SPTLC3: variants seen among roughly 807,000 people sequenced by gnomAD.
SPTLC3 encodes serine palmitoyltransferase long chain base subunit 3.
In SPTLC3, 36 loss-of-function variants were observed where a neutral mutation model predicts 59.3. That is an observed-to-expected ratio of 0.61 (90% CI 0.47 to 0.80). SPTLC3 has a LOEUF of 0.80. Among genes scored for constraint, SPTLC3 ranks in the 30% least tolerant of loss-of-function variants. SPTLC3 has a pLI of 0.00. For missense variants in SPTLC3, 625 were observed against 685.1 expected, an observed-to-expected ratio of 0.91 and a Z score of 0.98; for synonymous variants, 257 against 240.8, an observed-to-expected ratio of 1.07 and a Z score of -0.62.
chr20:13,095,643 C>T (rs986163257), intron 6 of SPTLC3, among the ~76,000 whole-genome samples: 8 of 152,086 alleles, frequency 5.3e-5, no homozygotes, highest in Admixed American at 1.3e-4. Flanking sequence ...GGGGCCAAAA[C>T]ACCTGCATTT....
At chr20:13,131,243 A>G (rs564841857) in intron 9 of SPTLC3, among the ~76,000 whole-genome samples, 1 of 152,288 alleles carries the variant, frequency 6.6e-6, no homozygotes, top group Middle Eastern at 3.4e-3. Flanking sequence ...TTACCTTACT[A>G]CACCTTCTTT....
At position 13,009,338 on chromosome 20, in the gene SPTLC3, C is replaced by T; in HGVS notation, c.71C>T (p.Ser24Leu). Residue 24 changes from serine (S) to leucine (L), a missense_variant, in exon 1 of 12, where the codon TCA becomes TTA. Transcript: ENST00000399002. ...AATCACAAGAAACAGAGCAATGGCTCACAAAGCAGAAACTGCACAAAGAAT... is the reference window on the plus strand; with the variant it reads ...AATCACAAGAAACAGAGCAATGGCTTACAAAGCAGAAACTGCACAAAGAAT... ...LHNHKKQSNG[S>L]QSRNCTKNGI... The T allele has an allele frequency of 1.9e-6, 3 of 1,614,058 alleles. No homozygotes were observed. Among genetic ancestry groups the T allele is most frequent in the Non-Finnish European group, 2.5e-6 (3 of 1,179,968 alleles).
intron 5 of SPTLC3, among the ~76,000 whole-genome samples, chr20:13,092,511 T>A (rs1298937838): frequency 6.6e-6 from 1 of 152,188 alleles, no homozygotes; most frequent in Non-Finnish European, 1.5e-5. Context: ...AAATTTAAAT[T>A]TGAACTGTCT....
intron 9 of SPTLC3, among the ~76,000 whole-genome samples, chr20:13,133,234 G>A (rs1247096808): frequency 6.6e-6 from 1 of 152,068 alleles, no homozygotes; most frequent in Non-Finnish European, 1.5e-5. Flanking sequence ...ACCCTCACCT[G>A]TTTCCTTTCC....
intron 7 of SPTLC3, among the ~76,000 whole-genome samples, chr20:13,111,625 T>C (rs951974971): frequency 1.3e-5 from 2 of 152,180 alleles, no homozygotes; most frequent in Non-Finnish European, 2.9e-5. Flanking sequence ...CAAGCATGGA[T>C]CTTTTTCCCT....
chr20:13,162,945 G>A (rs1048698481), intron 11 of SPTLC3, among the ~76,000 whole-genome samples: 9 of 152,218 alleles, frequency 5.9e-5, no homozygotes, highest in South Asian at 2.1e-4. Context: ...CTCTGAGCAC[G>A]AGTGTGTTCT....
At chr20:13,035,785 T>C (rs1409833046) in intron 1 of SPTLC3, among the ~76,000 whole-genome samples, 2 of 152,180 alleles carry the variant, frequency 1.3e-5, no homozygotes, top group Non-Finnish European at 2.9e-5. Flanking sequence ...TTATAAAGCA[T>C]TTCTAAACAT....
intron 6 of SPTLC3, among the ~76,000 whole-genome samples, chr20:13,107,964 T>C (rs4375935): frequency 0.64 from 97,025 of 151,896 alleles, 31,613 homozygotes; most frequent in African/African-American, 0.74. Flanking sequence ...TTCTTAAGGA[T>C]GTTAAAGGAA....
rs534375373 is a variant in SPTLC3, at chr20:13,123,295, C to T, written c.1153-3296C>T. Among the ~76,000 whole-genome samples the T allele has an allele frequency of 2.6e-5, 4 of 151,526 alleles. No individual in the cohort carries two copies. The East Asian group carries it at 7.8e-4, about 29-fold the overall frequency. ...GCAGTGAGCCAAGGTCATGCCACTGCACTCCAGCCTGGCCGACAGAGCAAG... is the reference window on the plus strand; with the variant it reads ...GCAGTGAGCCAAGGTCATGCCACTGTACTCCAGCCTGGCCGACAGAGCAAG... On this transcript the variant is annotated intron_variant, in intron 8 of 11. Transcript: ENST00000399002.
At chr20:13,162,226 C>T (rs138291926) in intron 11 of SPTLC3, among the ~76,000 whole-genome samples, 1 of 152,248 alleles carries the variant, frequency 6.6e-6, no homozygotes, top group African/African-American at 2.4e-5. Context: ...GGGGACCTTG[C>T]ACAGAAGGGA....
At chr20:13,093,262 G>A (rs540492468) in intron 5 of SPTLC3, among the ~76,000 whole-genome samples, 25 of 152,168 alleles carry the variant, frequency 1.6e-4, no homozygotes, top group African/African-American at 4.8e-4. Context: ...TGCAAATGTC[G>A]CAGTGAACAT....
chr20:13,164,722 A>G, intron 11 of SPTLC3, 32 bp from the exon 12 acceptor site: 7 of 1,566,180 alleles, frequency 4.5e-6, no homozygotes, highest in Non-Finnish European at 6.1e-6. Context: ...TAGGTGTTCA[A>G]TGATAGCTAT....
At chr20:13,126,481 T>G in intron 8 of SPTLC3, 110 bp from the exon 9 acceptor site, 1,320 of 1,258,106 alleles carry the variant, frequency 1.0e-3, no homozygotes, top group Non-Finnish European at 1.3e-3. Context: ...CTTTTGAGCA[T>G]GAGATCAAAT....
rs563205286 is a variant in SPTLC3, at chr20:13,164,562, T to C, written c.1546-192T>C. The C allele has an allele frequency of 3.5e-4, 209 of 596,320 alleles. 1 individual carries two copies. Among genetic ancestry groups the C allele is most frequent in the Non-Finnish European group, 4.3e-4 (142 of 329,478 alleles). 36.9% of individuals were successfully genotyped at this position (596,320 alleles called of 1,614,324 possible). A position where few individuals can be genotyped will look rare whatever the true frequency, so the allele number is the denominator to read the frequency against. On this transcript the variant is annotated intron_variant, in intron 11 of 11. Transcript: ENST00000399002. ...GAGTTAGACCACTAAATAAAATTAA[T>C]TAGCATCTAACATTCCTCTAGGGTC...
chr20:13,168,795 G>C lies in SPTLC3; in HGVS notation c.*3928G>C, dbSNP rs2039015487. The C allele has an allele frequency of 6.6e-6, 1 of 152,080 alleles. No homozygotes were observed. Among genetic ancestry groups the C allele is most frequent in the African/African-American group, 2.4e-5 (1 of 41,388 alleles). 9.4% of individuals were successfully genotyped at this position (152,080 alleles called of 1,614,324 possible). On this transcript the variant is annotated 3_prime_UTR_variant, in exon 12 of 12. Coordinates refer to ENST00000399002, the MANE Select transcript of SPTLC3 (RefSeq NM_018327.4). ...TGGTGAATTCTTGGCAATGTTTCCT[G>C]GTCTCAAAACAGTAAGAACAATTTG... is the stretch of plus-strand genomic sequence containing the variant.
At chr20:13,031,610 T>G (rs1986454769) in intron 1 of SPTLC3, among the ~76,000 whole-genome samples, 2 of 152,154 alleles carry the variant, frequency 1.3e-5, no homozygotes. Flanking sequence ...TTTGTTCTAT[T>G]TTGCACATGG....
chr20:13,108,384 G>T (rs1432435590), intron 6 of SPTLC3, among the ~76,000 whole-genome samples: 1 of 152,128 alleles, frequency 6.6e-6, no homozygotes, highest in Non-Finnish European at 1.5e-5. Context: ...ACTCAGCTTT[G>T]GGGGAAGCCC....
At chr20:13,151,219 T>C (rs1439056217) in intron 9 of SPTLC3, among the ~76,000 whole-genome samples, 1 of 152,262 alleles carries the variant, frequency 6.6e-6, no homozygotes, top group Admixed American at 6.5e-5. Context: ...TTTCTACTCT[T>C]ACTACCAACT....
chr20:13,150,662 A>G (rs769151183), intron 9 of SPTLC3, among the ~76,000 whole-genome samples: 1 of 152,140 alleles, frequency 6.6e-6, no homozygotes, highest in Non-Finnish European at 1.5e-5. Flanking sequence ...CCTTCCAATC[A>G]TTAAATGTGG....
Sources: allele counts gnomAD v4.1 joint callset (sites outside exome capture counted in the v4.1 genomes callset), GRCh38; gene constraint gnomAD v4.1.1; transcripts MANE v1.5; gene names NCBI Gene and HGNC (gene_info 2026-07-23, HGNC 2026-07-21).